WNT9B: variants seen among roughly 807,000 people sequenced by gnomAD.
The protein encoded by WNT9B is Wnt family member 9B, also known as protein Wnt-9b.
A neutral mutation model predicts 30.2 loss-of-function variants in WNT9B; 12 were observed. The ratio of observed to expected loss-of-function variants is 0.40; its 90% CI spans 0.26 to 0.64. The LOEUF (loss-of-function observed/expected upper bound fraction) is 0.64, where lower values mean the gene tolerates loss of function less well. Among genes scored for constraint, WNT9B ranks in the 30% least tolerant of loss-of-function variants. The probability of loss-of-function intolerance (pLI) is 0.42; values close to 1 mark genes in which losing one functional copy is unlikely to be tolerated. For synonymous variants in WNT9B, 218 were observed against 216.9 expected (o/e 1.01, Z -0.05); for missense variants, 442 against 485.2 (o/e 0.91, Z 0.84).
At chr17:46,864,060 C>T (rs1258874026) in intron 1 of WNT9B, among the ~76,000 whole-genome samples, 2 of 152,214 alleles carry the variant, frequency 1.3e-5, no homozygotes, top group Non-Finnish European at 2.9e-5. Context: ...GGGTCACGCA[C>T]AAGGCATTCC....
intron 1 of WNT9B, among the ~76,000 whole-genome samples, chr17:46,868,666 G>C (rs1451703940): frequency 6.6e-6 from 1 of 152,088 alleles, no homozygotes; most frequent in Non-Finnish European, 1.5e-5. Flanking sequence ...TAAGACTAAG[G>C]AAGCCCACTT....
downstream of WNT9B, among the ~76,000 whole-genome samples, chr17:46,883,276 C>T (rs1719749502): frequency 2.0e-5 from 3 of 151,054 alleles, no homozygotes; most frequent in South Asian, 6.3e-4. Context: ...GCTACTGCGC[C>T]CGGCCTTTTT....
rs149931425 is a variant in WNT9B at position 46,876,417 on chromosome 17, G to T, written c.773G>T (p.Arg258Leu). The T allele has an allele frequency of 1.2e-6, 2 of 1,613,790 alleles. No homozygotes were observed. Among genetic ancestry groups the T allele is most frequent in the Non-Finnish European group, 1.7e-6 (2 of 1,180,038 alleles). ...VSSATNEALG[R>L]LELWAPARQG... Reference sequence around the variant, plus strand: ...AGTGCCACCAATGAGGCCTTGGGCCGCCTAGAGCTGTGGGCCCCTGCCAGG... The same window carrying T: ...AGTGCCACCAATGAGGCCTTGGGCCTCCTAGAGCTGTGGGCCCCTGCCAGG... The change falls in exon 4 of 4, where the codon CGC (arginine) becomes CTC (leucine). Residue 258 changes from arginine (R) to leucine (L), a missense_variant. Coordinates refer to ENST00000290015, the MANE Select transcript of WNT9B (RefSeq NM_003396.3).
At chr17:46,862,000 C>A (rs2085045499) in intron 1 of WNT9B, among the ~76,000 whole-genome samples, 1 of 151,828 alleles carries the variant, frequency 6.6e-6, no homozygotes, top group Non-Finnish European at 1.5e-5. Flanking sequence ...CCCATCTCTA[C>A]TAAAAATACA....
intron 1 of WNT9B, among the ~76,000 whole-genome samples, chr17:46,861,429 G>A (rs998156274): frequency 6.6e-6 from 1 of 152,056 alleles, no homozygotes; most frequent in Non-Finnish European, 1.5e-5. Flanking sequence ...CTCCCTCTGT[G>A]CCCTGTCCCA....
chr17:46,861,503 G>A (rs2146568577), intron 1 of WNT9B, among the ~76,000 whole-genome samples: 1 of 152,252 alleles, frequency 6.6e-6, no homozygotes, highest in African/African-American at 2.4e-5. Flanking sequence ...CCTAGGCCTG[G>A]CCAACTGGGA....
chr17:46,836,973 C>T lies in WNT9B; in HGVS notation c.95+3533C>T, dbSNP rs142992404. Among the ~76,000 whole-genome samples, 694 of 152,186 alleles carry T rather than the reference C, an allele frequency of 4.6e-3. 10 individuals carry two copies. The highest frequency in any genetic ancestry group is 0.016 in the African/African-American group (661 of 41,498). On this transcript the variant is annotated intron_variant, in intron 1 of 2. Coordinates refer to the WNT9B transcript ENST00000575372. ...TTTTCTTTTTTTTGAGACAGAGTCTCGCTCTGTCGCCCAGGCTGTAGTGCA... is the reference window on the plus strand; with the variant it reads ...TTTTCTTTTTTTTGAGACAGAGTCTTGCTCTGTCGCCCAGGCTGTAGTGCA...
intron 1 of WNT9B, among the ~76,000 whole-genome samples, chr17:46,861,938 T>C (rs2085044286): frequency 6.6e-6 from 1 of 151,930 alleles, no homozygotes; most frequent in Non-Finnish European, 1.5e-5. Context: ...CTGAGGCAGG[T>C]GGATCACCTG....
Position 46,851,769 on chromosome 17 carries a change from C to T in WNT9B, c.77+54C>T. 1 of 966,876 alleles carries T rather than the reference C, an allele frequency of 1.0e-6. No homozygotes were observed. The highest frequency in any genetic ancestry group is 1.4e-6 in the Non-Finnish European group (1 of 738,502). The allele number at this position is 966,876 out of a possible 1,614,324, so 59.9% of individuals were successfully genotyped here. A position where few individuals can be genotyped will look rare whatever the true frequency, so the allele number is the denominator to read the frequency against. On this transcript the variant is annotated intron_variant, in intron 1 of 3. Coordinates refer to ENST00000290015, the MANE Select transcript of WNT9B (RefSeq NM_003396.3). The surrounding 1 kb of genome is among the most constrained non-coding windows in gnomAD (Gnocchi z 4.3). ...TCCCCGGCCTGCCTGTCTCTCCCTC[C>T]TGCGCTACAGCTGGGCCAATTTTTC...
chr17:46,863,430 A>C (rs1293786163), intron 1 of WNT9B, among the ~76,000 whole-genome samples: 1 of 152,228 alleles, frequency 6.6e-6, no homozygotes, highest in East Asian at 1.9e-4. Flanking sequence ...GCCTCTGCCA[A>C]GGAGCTTACA....
chr17:46,861,184 G>C (rs2085031509), intron 1 of WNT9B, among the ~76,000 whole-genome samples: 3 of 152,226 alleles, frequency 2.0e-5, no homozygotes, highest in Non-Finnish European at 4.4e-5. Flanking sequence ...CCCAGGCCCT[G>C]CACTTGGTGC....
chr17:46,836,097 T>C (rs538853688), intron 1 of WNT9B, among the ~76,000 whole-genome samples: 10 of 107,484 alleles, frequency 9.3e-5, no homozygotes, highest in African/African-American at 2.7e-4. Context: ...GACGCTGACG[T>C]GTGTGTGTGT....
At chr17:46,872,886 T>C (rs909320016) in intron 2 of WNT9B, 113 bp downstream of exon 2, 3 of 1,258,538 alleles carry the variant, frequency 2.4e-6, no homozygotes, top group African/African-American at 1.5e-5. Flanking sequence ...CAGGCCACAC[T>C]GCCCTTCCTG....
At chr17:46,838,617 A>G (rs966528189) in intron 1 of WNT9B, among the ~76,000 whole-genome samples, 1 of 152,070 alleles carries the variant, frequency 6.6e-6, no homozygotes, top group Non-Finnish European at 1.5e-5. Context: ...ACAGAGCGAG[A>G]CCCTGTCTCA....
upstream of WNT9B, among the ~76,000 whole-genome samples, chr17:46,848,968 G>A (rs2084808069): frequency 6.6e-6 from 1 of 151,984 alleles, no homozygotes; most frequent in African/African-American, 2.4e-5. Flanking sequence ...GTACACAGGA[G>A]CTGCTGTGGA....
intron 2 of WNT9B, among the ~76,000 whole-genome samples, chr17:46,873,132 AC>A (rs1827254671): frequency 6.8e-6 from 1 of 146,014 alleles, no homozygotes; most frequent in Non-Finnish European, 1.5e-5. Flanking sequence ...ACACACACAC[AC>A]GAAACAAGGC....
chr17:46,837,414 G>T (rs1485685644), intron 1 of WNT9B, among the ~76,000 whole-genome samples: 1 of 152,156 alleles, frequency 6.6e-6, no homozygotes, highest in Non-Finnish European at 1.5e-5. Flanking sequence ...TGGGGGACTG[G>T]AGGGTGGGAC....
intron 1 of WNT9B, among the ~76,000 whole-genome samples, chr17:46,868,439 C>T (rs1295315813): frequency 6.6e-6 from 1 of 151,596 alleles, no homozygotes; most frequent in East Asian, 1.9e-4. Context: ...TAAAAATACA[C>T]AAAAAAAATA....
In WNT9B at chr17:46,876,501, A is replaced by G; in HGVS notation, c.857A>G (p.Asp286Gly). 1.2e-6 allele frequency: 2 copies of G among 1,613,398 alleles called. No individual in the cohort carries two copies. The highest frequency in any genetic ancestry group is 2.2e-5 in the East Asian group (1 of 44,844). ...PRSGDLVYMEDSPSFCRPSKY... is the reference protein window; with the variant it reads ...PRSGDLVYMEGSPSFCRPSKY... ...TCTGGGGACCTGGTGTACATGGAGG[A>G]CTCACCCAGCTTCTGCCGGCCCAGC... is the stretch of plus-strand genomic sequence containing the variant. Residue 286 changes from aspartate (D) to glycine (G), a missense_variant, in exon 4 of 4, where the codon GAC (aspartate) becomes GGC (glycine). Transcript: ENST00000290015.
Sources: gnomAD v4.1 joint callset for allele counts (sites outside exome capture counted in the v4.1 genomes callset) on GRCh38, gnomAD v4.1.1 for gene constraint, Gnocchi (gnomAD v3.1) non-coding constraint, MANE v1.5 for transcripts, NCBI Gene and HGNC (gene_info 2026-07-23, HGNC 2026-07-21) for gene names.